The following TNRC6A variants were observed in gnomAD, a reference collection of about 807,000 sequenced individuals.
TNRC6A encodes the protein trinucleotide repeat-containing gene 6A protein.
In TNRC6A, 44 loss-of-function variants were observed where a neutral mutation model predicts 221.2. The observed-to-expected ratio is 0.20, with a 90% CI of 0.16 to 0.26. The LOEUF is 0.26. TNRC6A is among the 10% of genes least tolerant of loss of function. The pLI, the probability that TNRC6A is intolerant of heterozygous loss-of-function variation, is 1.00. For synonymous variants in TNRC6A, 847 were observed against 838.5 expected, an observed-to-expected ratio of 1.01 and a Z score of -0.18; for missense variants, 2,199 against 2,404.4, an observed-to-expected ratio of 0.91 and a Z score of 1.79.
intron 2 of TNRC6A, among the ~76,000 whole-genome samples, chr16:24,745,864 T>C (rs2056998259): frequency 2.0e-5 from 3 of 150,310 alleles, no homozygotes; most frequent in Admixed American, 2.0e-4. Flanking sequence ...CTTGCTTTTT[T>C]CACTGCCACC....
At chr16:24,783,399 G>A (rs757782756) in intron 5 of TNRC6A, among the ~76,000 whole-genome samples, 1 of 152,148 alleles carries the variant, frequency 6.6e-6, no homozygotes, top group Non-Finnish European at 1.5e-5. Flanking sequence ...AAAGTGCTGG[G>A]ATTACAGGCA....
intron 2 of TNRC6A, among the ~76,000 whole-genome samples, chr16:24,675,659 A>ACTCTCTCTCTCTCT (rs71381700): frequency 1.9e-4 from 7 of 37,552 alleles, no homozygotes; most frequent in East Asian, 2.8e-3. Flanking sequence ...CCAGCCAGAG[A>ACTCTCTCTCTCTCT]CTCTCTCTCT....
At chr16:24,636,103 G>A (rs892375077) in intron 1 of TNRC6A, among the ~76,000 whole-genome samples, 3 of 152,214 alleles carry the variant, frequency 2.0e-5, no homozygotes, top group Admixed American at 2.0e-4. Context: ...GTGGTTTGCA[G>A]GGAGGCATGT....
intron 5 of TNRC6A, among the ~76,000 whole-genome samples, chr16:24,783,276 C>T (rs1198402826): frequency 1.2e-4 from 19 of 152,052 alleles, no homozygotes; most frequent in Non-Finnish European, 4.4e-5. Flanking sequence ...TTATAAGCGT[C>T]CACCACCATG....
At chr16:24,718,550 A>G (rs2056355615) in intron 2 of TNRC6A, among the ~76,000 whole-genome samples, 1 of 152,232 alleles carries the variant, frequency 6.6e-6, no homozygotes, top group South Asian at 2.1e-4. Context: ...TTGCTGAAGC[A>G]CAATATAGGG....
intron 1 of TNRC6A, among the ~76,000 whole-genome samples, chr16:24,619,680 A>T (rs1900561428): frequency 6.6e-6 from 1 of 152,166 alleles, no homozygotes; most frequent in South Asian, 2.1e-4. Context: ...GGTGAGTGAA[A>T]GTTCATCAGG....
rs980864424 is a variant in TNRC6A at position 24,805,646 on chromosome 16, C to T, written c.4164C>T (p.Gly1388=). 3 of 1,614,188 alleles carry T rather than the reference C, an allele frequency of 1.9e-6. No homozygotes were observed. The highest frequency in any genetic ancestry group is 2.5e-6 in the Non-Finnish European group (3 of 1,180,020). Residue 1388 remains glycine (G), a synonymous_variant, in exon 15 of 25, where the codon GGC becomes GGT. Coordinates refer to ENST00000395799, the MANE Select transcript of TNRC6A (RefSeq NM_014494.4). ...TGAAGTATGCACCAAACAACGGTGG[C>T]CTGAATCCACTCTTTGGCCCTCAAC... ...SLLKYAPNNG[G]LNPLFGPQQV...
At position 24,805,723 on chromosome 16, in the gene TNRC6A, C is replaced by T; in HGVS notation, c.4241C>T (p.Ser1414Phe). Residue 1414 changes from serine to phenylalanine, a missense_variant, in exon 15 of 25, where the codon TCC (serine) becomes TTC (phenylalanine). By Grantham distance (155) the Ser-to-Phe change is radical. This residue lies in a region of TNRC6A where 449 missense variants were observed against 579.7 expected (regional missense o/e 0.77). Transcript: ENST00000395799. ...CAGCTAAACCAGCTTTCTCAGATCTCCCAGTTACAGGTAAGCAGAGTCATA... is the reference window on the plus strand; with the variant it reads ...CAGCTAAACCAGCTTTCTCAGATCTTCCAGTTACAGGTAAGCAGAGTCATA... ...LSQLNQLSQI[S>F]QLQRLLAQQQ... is the part of the protein sequence containing the mutation. The T allele has an allele frequency of 6.2e-7, 1 of 1,614,230 alleles. No individual in the cohort carries two copies. The highest frequency in any genetic ancestry group is 1.1e-5 in the South Asian group (1 of 91,088).
intron 1 of TNRC6A, among the ~76,000 whole-genome samples, chr16:24,629,203 T>C (rs922673974): frequency 3.3e-5 from 5 of 152,152 alleles, no homozygotes; most frequent in African/African-American, 1.2e-4. Context: ...CCCCTAAATA[T>C]TTAACATCAC....
intron 2 of TNRC6A, among the ~76,000 whole-genome samples, chr16:24,704,728 A>C (rs1442995288): frequency 2.0e-5 from 3 of 151,160 alleles, no homozygotes; most frequent in African/African-American, 7.3e-5. Flanking sequence ...AGTGAGTATA[A>C]GGGGGTATAT....
chr16:24,658,007 T>C (rs2054953909), intron 2 of TNRC6A, among the ~76,000 whole-genome samples: 1 of 152,188 alleles, frequency 6.6e-6, no homozygotes, highest in Non-Finnish European at 1.5e-5. Flanking sequence ...TGTGACATGA[T>C]TTTCAGGTTT....
At chr16:24,687,078 G>A (rs1335482751) in intron 2 of TNRC6A, among the ~76,000 whole-genome samples, 1 of 152,114 alleles carries the variant, frequency 6.6e-6, no homozygotes, top group African/African-American at 2.4e-5. Flanking sequence ...CATGCACTTA[G>A]AACAATGCTT....
Position 24,804,833 on chromosome 16 carries a change from C to T in TNRC6A, c.3966C>T (p.Asn1322=), listed in dbSNP as rs1181873998. 6.2e-7 allele frequency: 1 copy of T among 1,612,714 alleles called. No individual in the cohort carries two copies. The highest frequency in any genetic ancestry group is 8.5e-7 in the Non-Finnish European group (1 of 1,179,748). ...LGSIAGLGMQ[N]LNSVRQNGNP... is the part of the protein sequence containing the mutation. The stretch of plus-strand genomic sequence containing the variant: ...CCATAGCAGGGCTGGGTATGCAAAA[C>T]TTGAATTCTGTTAGACAGGTAAGTC... The change falls in exon 13 of 25, where the codon AAC becomes AAT. Residue 1322 remains asparagine, a synonymous_variant. Transcript: ENST00000395799.
At chr16:24,741,732 C>G (rs749192846) in intron 2 of TNRC6A, among the ~76,000 whole-genome samples, 7 of 152,200 alleles carry the variant, frequency 4.6e-5, no homozygotes, top group Non-Finnish European at 1.0e-4. Flanking sequence ...ACTGTATGCA[C>G]TTCCTCCTTT....
At position 24,820,327 on chromosome 16, in the gene TNRC6A, G is replaced by A; in HGVS notation, c.5269G>A (p.Gly1757Arg). The change falls in exon 22 of 25, where the codon GGA (glycine) becomes AGA (arginine). Residue 1757 changes from glycine (G) to arginine (R), a missense_variant. Physicochemically the swap from Gly to Arg is moderately radical, Grantham distance 125. Coordinates refer to ENST00000395799, the MANE Select transcript of TNRC6A (RefSeq NM_014494.4). The stretch of plus-strand genomic sequence containing the variant: ...TAATTCTCCCCTTCGTATAGGTGGA[G>A]GATGGGGAAATTCTGACGCCAGATA... The part of the protein sequence containing the change: ...WDNSPLRIGG[G>R]WGNSDARYTP... The A allele has an allele frequency of 5.6e-6, 9 of 1,614,190 alleles. No individual in the cohort carries two copies. The highest frequency in any genetic ancestry group is 6.8e-6 in the Non-Finnish European group (8 of 1,180,038).
upstream of TNRC6A, among the ~76,000 whole-genome samples, chr16:24,728,387 C>A (rs2056528685): frequency 6.6e-6 from 1 of 151,800 alleles, no homozygotes; most frequent in Non-Finnish European, 1.5e-5. Flanking sequence ...GCGGAGGTTG[C>A]GGTGAACGGA....
In TNRC6A at chr16:24,732,056, C is replaced by T. The variant is rs544558905; in HGVS notation, c.53+1756C>T. Among the ~76,000 whole-genome samples, 75 of 152,294 alleles carry T rather than the reference C, an allele frequency of 4.9e-4. No homozygotes were observed. The South Asian group carries it at 0.011, about 22-fold the overall frequency. On this transcript the variant is annotated intron_variant, in intron 2 of 24. Coordinates refer to ENST00000395799, the MANE Select transcript of TNRC6A (RefSeq NM_014494.4). ...TGACGTAGGAATCAAAAGATACCAT[C>T]CCATTCATGTGCTTGAGAATATTCA...
intron 1 of TNRC6A, among the ~76,000 whole-genome samples, chr16:24,629,949 G>A (rs1044709231): frequency 2.0e-5 from 3 of 150,998 alleles, no homozygotes; most frequent in African/African-American, 7.4e-5. Flanking sequence ...CTCCAGCCTG[G>A]GTGACAGAGT....
At chr16:24,632,897 T>A (rs568222579) in intron 1 of TNRC6A, among the ~76,000 whole-genome samples, 18 of 151,386 alleles carry the variant, frequency 1.2e-4, no homozygotes, top group Non-Finnish European at 2.4e-4. Flanking sequence ...TAATCCCAGC[T>A]ACTTAGGAGG....
Sources: allele counts gnomAD v4.1 joint callset (sites outside exome capture counted in the v4.1 genomes callset), GRCh38; gene constraint gnomAD v4.1.1; regional missense constraint gnomAD v4.1.1; transcripts MANE v1.5; gene names NCBI Gene and HGNC (gene_info 2026-07-23, HGNC 2026-07-21).